Variants in TMEM51 observed in about 807,000 individuals in gnomAD.
The protein encoded by TMEM51 is transmembrane protein 51.
TMEM51 carries 8 observed loss-of-function variants against 13.6 expected under a neutral mutation model. The observed-to-expected ratio is 0.59, with a 90% CI of 0.35 to 1.07. The LOEUF (loss-of-function observed/expected upper bound fraction) is 1.07, where lower values mean the gene tolerates loss of function less well. TMEM51 is among the 50% of genes least tolerant of loss of function. TMEM51 has a pLI of 0.02. For missense variants in TMEM51, 279 were observed against 330.7 expected, an observed-to-expected ratio of 0.84 and a Z score of 1.21; for synonymous variants, 147 against 144.4, an observed-to-expected ratio of 1.02 and a Z score of -0.13.
intron 3 of TMEM51, among the ~76,000 whole-genome samples, chr1:15,217,057 T>G (rs1045542021): frequency 4.6e-5 from 7 of 152,214 alleles, no homozygotes; most frequent in Non-Finnish European, 1.0e-4. Context: ...GTAATATGGA[T>G]TAAAGGGAAC....
chr1:15,153,606 T>C (rs1642472020), upstream of TMEM51: 1 of 152,006 alleles, frequency 6.6e-6, no homozygotes. Flanking sequence ...CTGCGATCCC[T>C]CGCCTCGGGC....
chr1:15,176,030 T>G (rs934786984), intron 1 of TMEM51, among the ~76,000 whole-genome samples: 1 of 152,366 alleles, frequency 6.6e-6, no homozygotes, highest in East Asian at 1.9e-4. Flanking sequence ...TACATTCTTC[T>G]GTTTTCTTTT....
intron 1 of TMEM51, among the ~76,000 whole-genome samples, chr1:15,159,039 T>C (rs1373725398): frequency 1.3e-5 from 2 of 152,216 alleles, no homozygotes; most frequent in African/African-American, 2.4e-5. Flanking sequence ...TATACTGTGA[T>C]CCTGGGAAAC....
rs567501255 is a variant in TMEM51, at chr1:15,200,014, C to T, written c.-266-10476C>T. Among the ~76,000 whole-genome samples, 11 of 152,170 alleles carry T rather than the reference C, an allele frequency of 7.2e-5. No individual in the cohort carries two copies. The South Asian group carries it at 2.1e-3, about 29-fold the overall frequency. The stretch of plus-strand genomic sequence containing the variant: ...TACCCAGTGGGAAAGAGGGCCTAAG[C>T]GAAGCAAATGTGGGCTGGATTGCGT... On this transcript the variant is annotated intron_variant, in intron 1 of 3. Transcript: ENST00000376008.
intron 1 of TMEM51, among the ~76,000 whole-genome samples, chr1:15,188,151 T>C (rs1271239002): frequency 6.6e-6 from 1 of 152,218 alleles, no homozygotes; most frequent in Non-Finnish European, 1.5e-5. Flanking sequence ...GGAGTTTCTC[T>C]GAATCTCCAC....
chr1:15,200,460 G>A (rs1007843300), intron 1 of TMEM51, among the ~76,000 whole-genome samples: 2 of 148,322 alleles, frequency 1.3e-5, no homozygotes, highest in Non-Finnish European at 1.5e-5. Context: ...AGACACACAC[G>A]GAGGGACAAC....
chr1:15,173,030 C>G (rs1179790255), intron 1 of TMEM51, among the ~76,000 whole-genome samples: 3 of 152,122 alleles, frequency 2.0e-5, no homozygotes, highest in African/African-American at 7.2e-5. Flanking sequence ...GGCTCAATGC[C>G]TACCTTTTTC....
At chr1:15,176,241 C>T (rs986044349) in intron 1 of TMEM51, among the ~76,000 whole-genome samples, 1 of 152,130 alleles carries the variant, frequency 6.6e-6, no homozygotes, top group Non-Finnish European at 1.5e-5. Flanking sequence ...CAGTCCTATG[C>T]CCAGTGTTAG....
rs904925141 is a variant in TMEM51, at chr1:15,220,389, AAAAAG to A, written c.*649_*653del. ...TCTGTGTAACAGCAAAAAAAAAAAA[AAAAAG>A]AAGAAGAAAGAAAACTGTAGGAAAT... is the stretch of plus-strand genomic sequence containing the variant. On this transcript the variant is annotated 3_prime_UTR_variant, in exon 4 of 4. Coordinates refer to ENST00000376008, the MANE Select transcript of TMEM51 (RefSeq NM_001136218.2). 3.3e-5 allele frequency: 5 copies of A among 151,960 alleles called. No homozygotes were observed. The highest frequency in any genetic ancestry group is 4.1e-4 in the South Asian group (2 of 4,828). The allele number at this position is 151,960 out of a possible 1,614,324, so 9.4% of individuals were successfully genotyped here.
In TMEM51 at chr1:15,217,811, G is replaced by A. The variant is rs569542255; in HGVS notation, c.345-1515G>A. Among the ~76,000 whole-genome samples, 3 of 152,258 alleles carry A rather than the reference G, an allele frequency of 2.0e-5. 1 individual carries two copies. The South Asian group carries it at 6.2e-4, about 32-fold the overall frequency. ...TGAGGAGGGGAATCTGCCTTACAGAGCCCACCGAGCTGAATGCTAGTATCT... is the reference window on the plus strand; with the variant it reads ...TGAGGAGGGGAATCTGCCTTACAGAACCCACCGAGCTGAATGCTAGTATCT... On this transcript the variant is annotated intron_variant, in intron 3 of 3. Transcript: ENST00000376008.
intron 1 of TMEM51, among the ~76,000 whole-genome samples, chr1:15,163,640 T>TTTTTTTTTTTTTGAGAC (rs1553197697): frequency 1.3e-5 from 2 of 150,474 alleles, no homozygotes; most frequent in East Asian, 3.9e-4. Flanking sequence ...TTATTTTTTG[T>TTTTTTTTTTTTTGAGAC]AATAATAGCA....
At chr1:15,173,946 T>G (rs762015949) in intron 1 of TMEM51, among the ~76,000 whole-genome samples, 3 of 152,170 alleles carry the variant, frequency 2.0e-5, no homozygotes, top group Non-Finnish European at 4.4e-5. Context: ...TGCTCTTCAA[T>G]GGGTTAAGGC....
At chr1:15,159,890 T>A (rs1205858927) in intron 1 of TMEM51, among the ~76,000 whole-genome samples, 4 of 152,152 alleles carry the variant, frequency 2.6e-5, no homozygotes, top group Admixed American at 2.6e-4. Context: ...CCCAGGCCCA[T>A]CCCCTGGCCT....
At chr1:15,206,994 C>T (rs1644261855) in intron 1 of TMEM51, among the ~76,000 whole-genome samples, 1 of 152,206 alleles carries the variant, frequency 6.6e-6, no homozygotes, top group African/African-American at 2.4e-5. Context: ...GGCTCAGCAC[C>T]TTTTTTCCTA....
At chr1:15,163,153 T>G (rs916103012) in intron 1 of TMEM51, among the ~76,000 whole-genome samples, 1 of 151,990 alleles carries the variant, frequency 6.6e-6, no homozygotes, top group Non-Finnish European at 1.5e-5. Context: ...GGGGAAACGG[T>G]GCCTAAGACA....
chr1:15,205,199 C>G (rs1644227471), intron 1 of TMEM51, among the ~76,000 whole-genome samples: 2 of 152,198 alleles, frequency 1.3e-5, no homozygotes, highest in South Asian at 4.1e-4. Context: ...TGCTTCTGGT[C>G]CCTTGAGTCT....
At chr1:15,208,667 G>A (rs551294023) in intron 1 of TMEM51, among the ~76,000 whole-genome samples, 1 of 152,108 alleles carries the variant, frequency 6.6e-6, no homozygotes, top group East Asian at 1.9e-4. Context: ...CCAGACAAAA[G>A]AGACAGGTGG....
Position 15,200,366 on chromosome 1 carries a change from CCA to C in TMEM51, c.-266-10122_-266-10121del, listed in dbSNP as rs1328594073. ...GAGACTGCAGTGAACTGTGATCATGCCACTGTACTCCAGCCTGGGCAACAGAG... is the reference window on the plus strand; with the variant it reads ...GAGACTGCAGTGAACTGTGATCATGCCTGTACTCCAGCCTGGGCAACAGAG... On this transcript the variant is annotated intron_variant, in intron 1 of 3. Coordinates refer to ENST00000376008, the MANE Select transcript of TMEM51 (RefSeq NM_001136218.2). Among the ~76,000 whole-genome samples the C allele has an allele frequency of 9.9e-5, 14 of 141,338 alleles. No individual in the cohort carries two copies. The East Asian group carries it at 2.9e-3, about 29-fold the overall frequency. 92.7% of individuals were successfully genotyped at this position (141,338 alleles called of 152,430 possible). A position where few individuals can be genotyped will look rare whatever the true frequency, so the allele number is the denominator to read the frequency against.
intron 1 of TMEM51, chr1:15,168,886 T>C (rs1643134284): frequency 2.6e-6 from 3 of 1,175,356 alleles, no homozygotes; most frequent in Non-Finnish European, 3.2e-6. Flanking sequence ...AGAGTCAATA[T>C]CTGGAGTTGG....
Sources: gnomAD v4.1 joint callset for allele counts (sites outside exome capture counted in the v4.1 genomes callset) on GRCh38, gnomAD v4.1.1 for gene constraint, MANE v1.5 for transcripts, NCBI Gene and HGNC (gene_info 2026-07-23, HGNC 2026-07-21) for gene names.